Variants in ASIC2 observed in about 807,000 individuals in gnomAD.
The protein encoded by ASIC2 is acid-sensing ion channel 2.
Under a neutral mutation model 57.3 loss-of-function variants are expected in ASIC2, and 25 were observed. That is an observed-to-expected ratio of 0.44 (90% CI 0.32 to 0.61). ASIC2 has a LOEUF of 0.61. Among genes scored for constraint, ASIC2 ranks in the 20% least tolerant of loss-of-function variants. The pLI, the probability that ASIC2 is intolerant of heterozygous loss-of-function variation, is 0.06. For synonymous variants in ASIC2, 319 were observed against 307.5 expected (o/e 1.04, Z -0.39); for missense variants, 641 against 738.1 (o/e 0.87, Z 1.52).
chr17:33,280,293 C>T lies in ASIC2; in HGVS notation c.708+11115G>A, dbSNP rs910981705. On this transcript the variant is annotated intron_variant, in intron 1 of 9. Coordinates refer to ENST00000225823, the MANE Select transcript of ASIC2 (RefSeq NM_183377.2). The stretch of plus-strand genomic sequence containing the variant: ...CCCCGGCTGGTTAAAATATTTGATG[C>T]TCATAGAATATTCAACAACAACAAA... 2.0e-4 allele frequency among the ~76,000 whole-genome samples: 31 copies of T among 152,152 alleles called. 1 individual carries two copies. Among genetic ancestry groups the T allele is most frequent in the Non-Finnish European group, 8.8e-5 (6 of 68,024 alleles).
intron 1 of ASIC2, among the ~76,000 whole-genome samples, chr17:33,130,258 C>T (rs542305430): frequency 3.3e-5 from 5 of 152,210 alleles, no homozygotes; most frequent in South Asian, 4.2e-4. Flanking sequence ...GTTAAATTCT[C>T]CTCTTTTTCT....
At chr17:33,988,168 C>T (rs774304991) in intron 1 of ASIC2, among the ~76,000 whole-genome samples, 4 of 152,074 alleles carry the variant, frequency 2.6e-5, no homozygotes, top group Admixed American at 6.5e-5. Flanking sequence ...AATTGTGAAT[C>T]GTATAATATA....
intron 1 of ASIC2, among the ~76,000 whole-genome samples, chr17:33,663,013 A>G (rs1433115177): frequency 1.3e-5 from 2 of 152,182 alleles, no homozygotes; most frequent in African/African-American, 4.8e-5. Flanking sequence ...TTGTTAGGTG[A>G]CACCAGGCAA....
chr17:33,721,287 A>G (rs976722836), intron 1 of ASIC2, among the ~76,000 whole-genome samples: 2 of 152,150 alleles, frequency 1.3e-5, no homozygotes, highest in Admixed American at 1.3e-4. Flanking sequence ...TCATGCTTTC[A>G]TTCATTGCGC....
chr17:33,039,551 C>G (rs2091922258), intron 3 of ASIC2, among the ~76,000 whole-genome samples: 1 of 152,192 alleles, frequency 6.6e-6, no homozygotes, highest in African/African-American at 2.4e-5. Context: ...GAGATATTGG[C>G]TGCTTCAGAG....
chr17:33,826,165 A>G (rs1912902235), intron 1 of ASIC2, among the ~76,000 whole-genome samples: 1 of 152,232 alleles, frequency 6.6e-6, no homozygotes, highest in Non-Finnish European at 1.5e-5. Context: ...TTAGATGGAT[A>G]CAATACAGTT....
At chr17:33,965,970 C>T (rs972749820) in intron 1 of ASIC2, among the ~76,000 whole-genome samples, 4 of 152,212 alleles carry the variant, frequency 2.6e-5, no homozygotes, top group African/African-American at 9.7e-5. Context: ...ATGCTCTCCT[C>T]CTCCTCTGCA....
chr17:33,371,408 C>T (rs1033353609), intron 1 of ASIC2, among the ~76,000 whole-genome samples: 11 of 152,212 alleles, frequency 7.2e-5, no homozygotes, highest in African/African-American at 2.7e-4. Context: ...GCAAGAGGCT[C>T]ACAGGGAGAG....
chr17:33,956,898 A>G (rs935424956), intron 1 of ASIC2, among the ~76,000 whole-genome samples: 1 of 152,238 alleles, frequency 6.6e-6, no homozygotes, highest in Non-Finnish European at 1.5e-5. Flanking sequence ...GAGCTGGGAC[A>G]GTTGCCTACC....
At chr17:33,373,467 C>A (rs1909161490) in intron 1 of ASIC2, among the ~76,000 whole-genome samples, 1 of 152,284 alleles carries the variant, frequency 6.6e-6, no homozygotes, top group South Asian at 2.1e-4. Flanking sequence ...ACAGTATTCC[C>A]CTCCCTGTTT....
At chr17:33,021,339 T>A (rs1376020931) in intron 6 of ASIC2, 29 bp from the exon 7 acceptor site, 1 of 1,520,470 alleles carries the variant, frequency 6.6e-7, no homozygotes, top group African/African-American at 1.4e-5. Flanking sequence ...GTACCATACA[T>A]GGTTAGAGCT....
rs1039160584 is a variant in ASIC2, at chr17:33,048,816, G to C, written c.988-20424C>G. ...GTACGGGGGTCTCCCTGTCTGCCTG[G>C]ACTTTGGGGTGTGGCTGCAGAGAGT... On this transcript the variant is annotated intron_variant, in intron 3 of 9. Coordinates refer to ENST00000225823, the MANE Select transcript of ASIC2 (RefSeq NM_183377.2). Among the ~76,000 whole-genome samples, 4 of 152,166 alleles carry C rather than the reference G, an allele frequency of 2.6e-5. No individual in the cohort carries two copies. In the East Asian group the frequency reaches 5.8e-4, roughly 22 times the overall value.
intron 1 of ASIC2, among the ~76,000 whole-genome samples, chr17:33,369,052 C>A (rs1351411742): frequency 6.6e-6 from 1 of 152,138 alleles, no homozygotes; most frequent in Non-Finnish European, 1.5e-5. Context: ...CCCTCTGCTT[C>A]CCTATGAAGA....
At chr17:33,073,596 C>T (rs988651482) in intron 3 of ASIC2, among the ~76,000 whole-genome samples, 3 of 152,102 alleles carry the variant, frequency 2.0e-5, no homozygotes, top group Non-Finnish European at 2.9e-5. Context: ...ATGGGGATCC[C>T]GAGAGACTAA....
At chr17:33,223,430 A>G (rs1907758395) in intron 1 of ASIC2, among the ~76,000 whole-genome samples, 1 of 151,978 alleles carries the variant, frequency 6.6e-6, no homozygotes, top group South Asian at 2.1e-4. Context: ...TGATCTGCCC[A>G]CCTCAGCCTC....
chr17:33,832,346 G>T (rs1430542146), intron 1 of ASIC2, among the ~76,000 whole-genome samples: 1 of 152,222 alleles, frequency 6.6e-6, no homozygotes, highest in African/African-American at 2.4e-5. Flanking sequence ...GGAAGGCCAG[G>T]CATTCATAGT....
Position 33,189,068 on chromosome 17 carries a change from G to A in ASIC2, c.709-77001C>T, listed in dbSNP as rs899401722. Among the ~76,000 whole-genome samples the A allele has an allele frequency of 5.9e-5, 9 of 152,130 alleles. No homozygotes were observed. In the South Asian group the frequency reaches 6.2e-4, roughly 11 times the overall value. ...ACATACAGTCGTATAACATTTGCTT[G>A]ATAAGTTAAAGATTTATGCTGTAAG... On this transcript the variant is annotated intron_variant, in intron 1 of 9. Coordinates refer to ENST00000225823, the MANE Select transcript of ASIC2 (RefSeq NM_183377.2).
chr17:34,147,881 C>G (rs1170446961), intron 1 of ASIC2, among the ~76,000 whole-genome samples: 2 of 152,174 alleles, frequency 1.3e-5, no homozygotes, highest in African/African-American at 2.4e-5. Context: ...ATGGGCTGCT[C>G]TATGGAGCAC....
chr17:33,778,783 G>A (rs1911360854), intron 1 of ASIC2, among the ~76,000 whole-genome samples: 1 of 152,188 alleles, frequency 6.6e-6, no homozygotes, highest in African/African-American at 2.4e-5. Context: ...CACGTTAAGT[G>A]AGATAATGTC....
Sources: allele counts gnomAD v4.1 joint callset (sites outside exome capture counted in the v4.1 genomes callset), GRCh38; gene constraint gnomAD v4.1.1; transcripts MANE v1.5; gene names NCBI Gene and HGNC (gene_info 2026-07-23, HGNC 2026-07-21).